Variants in ABLIM2 observed in about 807,000 individuals in gnomAD.
ABLIM2 encodes the protein actin-binding LIM protein 2.
ABLIM2 carries 53 observed loss-of-function variants against 97.7 expected under a neutral mutation model. That is an observed-to-expected ratio of 0.54 (90% CI 0.44 to 0.68). ABLIM2 has a LOEUF of 0.68. ABLIM2 is among the 30% of genes least tolerant of loss of function. The pLI is 0.00. For synonymous variants in ABLIM2, 361 were observed against 345.8 expected (o/e 1.04, Z -0.49); for missense variants, 835 against 867.2 (o/e 0.96, Z 0.47).
In ABLIM2 at chr4:8,127,488, C is replaced by G; in HGVS notation, c.11-20851G>C. 2.3e-6 allele frequency: 3 copies of G among 1,289,376 alleles called. No individual in the cohort carries two copies. The highest frequency in any genetic ancestry group is 3.0e-6 in the Non-Finnish European group (3 of 988,566). The allele number at this position is 1,289,376 out of a possible 1,614,324, so 79.9% of individuals were successfully genotyped here. On this transcript the variant is annotated intron_variant, in intron 1 of 20. Coordinates refer to ENST00000447017, the MANE Select transcript of ABLIM2 (RefSeq NM_001130083.2). The surrounding 1 kb of genome is among the most constrained non-coding windows in gnomAD (Gnocchi z 7.3). ...AGCTCCCAGTCCCCTGAAGCTGACT[C>G]ATGGAGCTCACGGCTCCCAGCCGGA...
intron 16 of ABLIM2, among the ~76,000 whole-genome samples, chr4:8,000,154 G>T (rs1396637530): frequency 6.6e-6 from 1 of 152,122 alleles, no homozygotes; most frequent in Non-Finnish European, 1.5e-5. Context: ...GAGGAAGGGG[G>T]GCACCCTTCA....
intron 5 of ABLIM2, among the ~76,000 whole-genome samples, chr4:8,078,531 T>A (rs193223722): frequency 6.6e-6 from 1 of 152,338 alleles, no homozygotes; most frequent in African/African-American, 2.4e-5. Flanking sequence ...ACACCCGTTA[T>A]CATGATTATT....
At chr4:7,975,746 T>C (rs966300631) in intron 20 of ABLIM2, among the ~76,000 whole-genome samples, 1 of 152,186 alleles carries the variant, frequency 6.6e-6, no homozygotes, top group Non-Finnish European at 1.5e-5. Flanking sequence ...CCCTTACGGA[T>C]AACATCTCTG....
chr4:7,983,140 G>A (rs548114865), intron 20 of ABLIM2, 124 bp downstream of exon 20: 13 of 1,008,326 alleles, frequency 1.3e-5, no homozygotes, highest in South Asian at 2.8e-5. Context: ...TCTGCATCAC[G>A]GCAAGGCTCT....
At chr4:8,131,665 CCGCATCCCTG>C (rs1849391939) in intron 1 of ABLIM2, among the ~76,000 whole-genome samples, 1 of 123,326 alleles carries the variant, frequency 8.1e-6, no homozygotes. Context: ...GCACAGCATC[CCGCATCCCTG>C]AGCACAGCAG....
intron 3 of ABLIM2, among the ~76,000 whole-genome samples, chr4:8,093,548 A>G (rs1313477562): frequency 6.6e-6 from 1 of 152,226 alleles, no homozygotes; most frequent in Non-Finnish European, 1.5e-5. Flanking sequence ...ACCATAATCA[A>G]TTTTAGAACA....
intron 4 of ABLIM2, among the ~76,000 whole-genome samples, chr4:8,086,599 C>A (rs894754150): frequency 6.6e-6 from 1 of 152,108 alleles, no homozygotes. Context: ...CCCGCCCCGG[C>A]CTCCCAAAGT....
At chr4:8,035,801 C>A (rs980310024) in intron 10 of ABLIM2, among the ~76,000 whole-genome samples, 5 of 152,240 alleles carry the variant, frequency 3.3e-5, no homozygotes, top group Non-Finnish European at 5.9e-5. Flanking sequence ...AAATGCATCT[C>A]ATGCTTTATG....
chr4:8,110,252 G>A (rs941356143), intron 1 of ABLIM2, among the ~76,000 whole-genome samples: 2 of 152,230 alleles, frequency 1.3e-5, no homozygotes, highest in African/African-American at 2.4e-5. Context: ...ATGCACAAGC[G>A]TCTCTTCATG....
In ABLIM2 at chr4:8,071,785, C is replaced by T. The variant is rs980630072; in HGVS notation, c.675+5843G>A. The T allele has an allele frequency of 2.0e-6, 2 of 984,204 alleles. No individual in the cohort carries two copies. Among genetic ancestry groups the T allele is most frequent in the Non-Finnish European group, 2.4e-6 (2 of 829,666 alleles). The allele number at this position is 984,204 out of a possible 1,614,324, so 61.0% of individuals were successfully genotyped here. A position where few individuals can be genotyped will look rare whatever the true frequency, so the allele number is the denominator to read the frequency against. ...GTTTCCTACCTGCACAGCTTCTGGGCACCAGAGCCCAGTCTGACGGCCCTG... is the reference window on the plus strand; with the variant it reads ...GTTTCCTACCTGCACAGCTTCTGGGTACCAGAGCCCAGTCTGACGGCCCTG... On this transcript the variant is annotated intron_variant, in intron 6 of 20. Transcript: ENST00000447017. The surrounding 1 kb of genome is among the most constrained non-coding windows in gnomAD (Gnocchi z 6.2).
chr4:8,114,176 G>A (rs1048385760), intron 1 of ABLIM2, among the ~76,000 whole-genome samples: 17 of 152,218 alleles, frequency 1.1e-4, no homozygotes, highest in Non-Finnish European at 7.3e-5. Flanking sequence ...GTCTCCCTAG[G>A]GCCAGGTGCT....
rs1033289190 is a variant in ABLIM2 at position 8,008,312 on chromosome 4, C to T, written c.1477-112G>A. The T allele has an allele frequency of 1.5e-5, 16 of 1,065,140 alleles. No individual in the cohort carries two copies. The East Asian group carries it at 3.5e-4, about 24-fold the overall frequency. The allele number at this position is 1,065,140 out of a possible 1,614,324, so 66.0% of individuals were successfully genotyped here. A position where few individuals can be genotyped will look rare whatever the true frequency, so the allele number is the denominator to read the frequency against. The stretch of plus-strand genomic sequence containing the variant: ...ACTTCTAACATACGAGCTGACCCCA[C>T]TGTGAGAAAACTCAATATGTGAGAG... On this transcript the variant is annotated intron_variant, in intron 15 of 20. Transcript: ENST00000447017.
rs1271119252 is a variant in ABLIM2, at chr4:7,966,801, C to T, written c.*189G>A. ...AAGGGTGGCGTGAAGCTAGCCGTCT[C>T]GGCCCTAAACTACCGGCAGGAGTGT... On this transcript the variant is annotated 3_prime_UTR_variant, in exon 21 of 21. Transcript: ENST00000447017. 12 of 574,784 alleles carry T rather than the reference C, an allele frequency of 2.1e-5. No homozygotes were observed. The East Asian group carries it at 2.3e-4, about 11-fold the overall frequency. 35.6% of individuals were successfully genotyped at this position (574,784 alleles called of 1,614,324 possible).
At chr4:8,026,316 T>C (rs1484021563) in intron 12 of ABLIM2, among the ~76,000 whole-genome samples, 2 of 152,236 alleles carry the variant, frequency 1.3e-5, no homozygotes, top group Non-Finnish European at 2.9e-5. Context: ...ACTTTGCTTC[T>C]TCTCAAAGGA....
rs1353036711 is a variant in ABLIM2 at position 8,027,782 on chromosome 4, T to A, written c.1244A>T (p.His415Leu). ...QHPSPTSVFR[H>L]HYIPYFRGSE... The stretch of plus-strand genomic sequence containing the variant: ...ACCTCGGAAGTAGGGGATGTAATGA[T>A]GTCTGAACACGGATGTAGGGCTTGG... Residue 415 changes from histidine (H) to leucine (L), a missense_variant, in exon 12 of 21, where the codon CAT (histidine) becomes CTT (leucine). Transcript: ENST00000447017. The A allele has an allele frequency of 1.9e-6, 3 of 1,596,872 alleles. No homozygotes were observed. Among genetic ancestry groups the A allele is most frequent in the Non-Finnish European group, 2.6e-6 (3 of 1,172,246 alleles).
Position 8,005,479 on chromosome 4 carries a change from A to G in ABLIM2, c.1618+2580T>C. On this transcript the variant is annotated intron_variant, in intron 16 of 20. Coordinates refer to ENST00000447017, the MANE Select transcript of ABLIM2 (RefSeq NM_001130083.2). This position sits in a 1 kb window ranked among gnomAD's most constrained non-coding sequence, Gnocchi z 4.9. The stretch of plus-strand genomic sequence containing the variant: ...GTGTGCAAATGCTTTGTTCAGTAAA[A>G]GCTGTGTGCAAATGGAACTGGTGCC... 1 of 528,706 alleles carries G rather than the reference A, an allele frequency of 1.9e-6. No individual in the cohort carries two copies. The allele number at this position is 528,706 out of a possible 1,614,324, so 32.8% of individuals were successfully genotyped here. A position where few individuals can be genotyped will look rare whatever the true frequency, so the allele number is the denominator to read the frequency against.
intron 8 of ABLIM2, among the ~76,000 whole-genome samples, chr4:8,049,128 C>A (rs1794416582): frequency 6.6e-6 from 1 of 152,226 alleles, no homozygotes; most frequent in Non-Finnish European, 1.5e-5. Flanking sequence ...ACATCGGAGG[C>A]TGCCCATCCA....
intron 7 of ABLIM2, among the ~76,000 whole-genome samples, chr4:8,056,863 C>T (rs1275263884): frequency 2.3e-5 from 3 of 129,454 alleles, no homozygotes; most frequent in Non-Finnish European, 3.1e-5. Flanking sequence ...ACTCGGGAGG[C>T]GGAGCTTGCA....
chr4:8,032,285 G>A lies in ABLIM2; in HGVS notation c.1048-2509C>T, dbSNP rs141586251. On this transcript the variant is annotated intron_variant, in intron 10 of 20. Coordinates refer to ENST00000447017, the MANE Select transcript of ABLIM2 (RefSeq NM_001130083.2). The surrounding 1 kb of genome is among the most constrained non-coding windows in gnomAD (Gnocchi z 4.3). ...CAGTGTTTCTCCACGAGGACTGGGT[G>A]CTTCCACACAACCCACGTGGAGGGG... 6.6e-3 allele frequency among the ~76,000 whole-genome samples: 1,000 copies of A among 152,208 alleles called. 11 individuals are homozygous for A. The highest frequency in any genetic ancestry group is 0.022 in the African/African-American group (899 of 41,514).
Sources: allele counts gnomAD v4.1 joint callset (sites outside exome capture counted in the v4.1 genomes callset), GRCh38; gene constraint gnomAD v4.1.1; non-coding constraint Gnocchi (gnomAD v3.1); transcripts MANE v1.5; gene names NCBI Gene and HGNC (gene_info 2026-07-23, HGNC 2026-07-21).